Variants in GPC3 observed in about 807,000 individuals in gnomAD.
The protein encoded by GPC3 is glypican 3, also known as glypican-3.
A neutral mutation model predicts 34.4 loss-of-function variants in GPC3; 3 were observed. That is an observed-to-expected ratio of 0.09 (90% confidence interval 0.04 to 0.23). GPC3 has a LOEUF of 0.23. Among genes scored for constraint, GPC3 ranks in the 10% least tolerant of loss-of-function variants. The pLI is 1.00. For missense variants in GPC3, 351 were observed against 445.6 expected, an observed-to-expected ratio of 0.79 and a Z score of 1.91; for synonymous variants, 177 against 174.0, an observed-to-expected ratio of 1.02 and a Z score of -0.13.
At chrX:133,553,239 G>A (rs950731945) in intron 7 of GPC3, among the ~76,000 whole-genome samples, 1 of 111,238 alleles carries the variant, frequency 9.0e-6, no homozygotes, top group African/African-American at 3.3e-5. Flanking sequence ...TGGCCAAGTC[G>A]AATTAAGAAG....
At chrX:133,753,378 C>A in intron 3 of GPC3, 104 bp downstream of exon 3, 1 of 631,494 alleles carries the variant, frequency 1.6e-6, no homozygotes, top group Non-Finnish European at 2.7e-6. Context: ...TCACCCCTTC[C>A]CCACCTTCCA....
chrX:133,678,361 G>T (rs1297507478), intron 5 of GPC3, among the ~76,000 whole-genome samples: 1 of 111,729 alleles, frequency 9.0e-6, no homozygotes, highest in Non-Finnish European at 1.9e-5. Context: ...GGAGGAAAAG[G>T]TAAGAGGAGT....
intron 2 of GPC3, among the ~76,000 whole-genome samples, chrX:133,761,151 G>GA (rs2071786245): frequency 9.0e-6 from 1 of 110,695 alleles, no homozygotes; most frequent in Non-Finnish European, 1.9e-5. Context: ...AATTTTAATT[G>GA]AAAAAAACCA....
Position 133,727,506 on chromosome X carries a change from C to T in GPC3, c.1032+25976G>A, listed in dbSNP as rs918137337. Reference sequence around the variant, plus strand: ...TAGAGGTTGCAGTGGGCCGAGATTGCGCCATTGCACTCCAGCCTGGGCAAA... The same window carrying T: ...TAGAGGTTGCAGTGGGCCGAGATTGTGCCATTGCACTCCAGCCTGGGCAAA... On this transcript the variant is annotated intron_variant, in intron 3 of 7. Coordinates refer to ENST00000370818, the MANE Select transcript of GPC3 (RefSeq NM_004484.4). Among the ~76,000 whole-genome samples, 24 of 110,130 alleles carry T rather than the reference C, an allele frequency of 2.2e-4. 1 individual carries two copies. The highest frequency in any genetic ancestry group is 6.3e-4 in the African/African-American group (19 of 30,125).
At chrX:133,972,260 C>T (rs902412677) in intron 1 of GPC3, among the ~76,000 whole-genome samples, 5 of 112,278 alleles carry the variant, frequency 4.5e-5, no homozygotes, top group Admixed American at 2.8e-4. Flanking sequence ...GAAAACAAAG[C>T]AGAAAACCTG....
At chrX:133,810,226 G>A (rs754325284) in intron 2 of GPC3, among the ~76,000 whole-genome samples, 13 of 112,141 alleles carry the variant, frequency 1.2e-4, no homozygotes, top group African/African-American at 3.9e-4. Context: ...AGTATGGCTA[G>A]TCTGAAAAGT....
At chrX:133,941,195 G>A (rs1035768367) in intron 2 of GPC3, among the ~76,000 whole-genome samples, 1 of 112,161 alleles carries the variant, frequency 8.9e-6, no homozygotes, top group Non-Finnish European at 1.9e-5. Flanking sequence ...GGGCATGTAG[G>A]AGTAAACACA....
intron 6 of GPC3, among the ~76,000 whole-genome samples, chrX:133,632,097 A>C (rs1286773169): frequency 9.1e-6 from 1 of 110,079 alleles, no homozygotes; most frequent in East Asian, 2.8e-4. Flanking sequence ...CCACTTTAAA[A>C]ATTTTTTAAA....
At chrX:133,740,003 C>G (rs967493983) in intron 3 of GPC3, among the ~76,000 whole-genome samples, 9 of 112,339 alleles carry the variant, frequency 8.0e-5, no homozygotes, top group Admixed American at 7.5e-4. Context: ...CGATCCATTC[C>G]TGTGCAGGGT....
chrX:133,773,844 C>T (rs370382764), intron 2 of GPC3, among the ~76,000 whole-genome samples: 1 of 111,475 alleles, frequency 9.0e-6, no homozygotes, highest in East Asian at 2.8e-4. Flanking sequence ...ACCTGTCATC[C>T]TGGATAGGTC....
chrX:133,654,731 AC>A (rs1200139898), intron 6 of GPC3, among the ~76,000 whole-genome samples: 1 of 111,195 alleles, frequency 9.0e-6, no homozygotes, highest in African/African-American at 3.3e-5. Flanking sequence ...AAAACAAAAA[AC>A]AAAAAACGAT....
At chrX:133,771,061 C>T (rs1045440423) in intron 2 of GPC3, among the ~76,000 whole-genome samples, 1 of 111,102 alleles carries the variant, frequency 9.0e-6, no homozygotes, top group African/African-American at 3.3e-5. Flanking sequence ...AGCTGTTGGC[C>T]AGGCCTGCCC....
intron 3 of GPC3, among the ~76,000 whole-genome samples, chrX:133,749,996 T>C (rs2071648730): frequency 9.0e-6 from 1 of 111,479 alleles, no homozygotes; most frequent in East Asian, 2.8e-4. Flanking sequence ...TACGTATTAC[T>C]TAGAGTTGGT....
chrX:133,810,732 C>T (rs1208990281), intron 2 of GPC3, among the ~76,000 whole-genome samples: 5 of 108,740 alleles, frequency 4.6e-5, no homozygotes, highest in African/African-American at 6.7e-5. Flanking sequence ...AGCGAAACCC[C>T]GTCTCTACTA....
At chrX:133,871,043 T>C (rs2075992070) in intron 2 of GPC3, among the ~76,000 whole-genome samples, 1 of 112,036 alleles carries the variant, frequency 8.9e-6, no homozygotes, top group South Asian at 3.7e-4. Context: ...TGATGAGTTA[T>C]GTGGATAATT....
At chrX:133,748,586 TCA>T (rs2071631549) in intron 3 of GPC3, among the ~76,000 whole-genome samples, 1 of 109,640 alleles carries the variant, frequency 9.1e-6, no homozygotes. Flanking sequence ...ACACATGTAT[TCA>T]CACACATACA....
intron 6 of GPC3, among the ~76,000 whole-genome samples, chrX:133,625,936 A>G (rs1386001959): frequency 8.9e-6 from 1 of 112,363 alleles, no homozygotes; most frequent in Non-Finnish European, 1.9e-5. Flanking sequence ...TACAGTAACC[A>G]AAACAGCATG....
Position 133,705,013 on chromosome X carries a change from C to T in GPC3, c.1033-4985G>A, listed in dbSNP as rs769590185. Among the ~76,000 whole-genome samples, 8 of 111,308 alleles carry T rather than the reference C, an allele frequency of 7.2e-5. No homozygotes were observed. In the East Asian group the frequency reaches 2.3e-3, roughly 31 times the overall value. ...AGTGACAAAAAAATTCAGATTTGAT[C>T]TTTCACTCCAGAACAGAGAAAGAGA... On this transcript the variant is annotated intron_variant, in intron 3 of 7. Transcript: ENST00000370818.
intron 2 of GPC3, 106 bp from the exon 3 acceptor site, chrX:133,754,282 G>A: frequency 1.7e-6 from 1 of 592,555 alleles, no homozygotes; most frequent in Non-Finnish European, 2.7e-6. Flanking sequence ...GGTGATTAAG[G>A]TCCCATTTGC....
Sources: allele counts gnomAD v4.1 joint callset (sites outside exome capture counted in the v4.1 genomes callset), GRCh38; gene constraint gnomAD v4.1.1; transcripts MANE v1.5; gene names NCBI Gene and HGNC (gene_info 2026-07-23, HGNC 2026-07-21).